The following RALGPS1 variants were observed in gnomAD, a reference collection of about 807,000 sequenced individuals.
RALGPS1 encodes the protein ras-specific guanine nucleotide-releasing factor RalGPS1.
Under a neutral mutation model 78.8 loss-of-function variants are expected in RALGPS1, and 19 were observed. The ratio of observed to expected loss-of-function variants is 0.24; its 90% CI spans 0.17 to 0.35. The LOEUF (loss-of-function observed/expected upper bound fraction) is 0.35, where lower values mean the gene tolerates loss of function less well. Among genes scored for constraint, RALGPS1 ranks in the 10% least tolerant of loss-of-function variants. The pLI is 1.00. For missense variants in RALGPS1, 454 were observed against 688.3 expected (o/e 0.66, Z 3.81); for synonymous variants, 228 against 256.3 (o/e 0.89, Z 1.06).
At chr9:127,136,017 C>T (rs541610239) in intron 8 of RALGPS1, among the ~76,000 whole-genome samples, 23 of 152,286 alleles carry the variant, frequency 1.5e-4, no homozygotes, top group African/African-American at 4.3e-4. Context: ...ATAGCATAGT[C>T]GGGGAGTGGG....
intron 1 of RALGPS1, 70 bp downstream of exon 1, chr9:126,915,045 C>A (rs1329610482): frequency 7.2e-6 from 1 of 137,998 alleles, no homozygotes; most frequent in Non-Finnish European, 1.6e-5. Flanking sequence ...CGGGGCGGGG[C>A]GGGGCGGGCC....
intron 1 of RALGPS1, among the ~76,000 whole-genome samples, chr9:126,934,938 A>G (rs1479300834): frequency 6.6e-6 from 1 of 152,138 alleles, no homozygotes; most frequent in African/African-American, 2.4e-5. Context: ...ATGTTTGGCC[A>G]TGGGAGAATG....
chr9:127,061,328 C>T (rs1295785010), intron 7 of RALGPS1, among the ~76,000 whole-genome samples: 1 of 152,232 alleles, frequency 6.6e-6, no homozygotes, highest in African/African-American at 2.4e-5. Flanking sequence ...TCTGTTAAAA[C>T]ATGGCCATAA....
At chr9:127,069,462 G>A (rs183680742) in intron 8 of RALGPS1, 106 bp downstream of exon 8, 301 of 1,335,254 alleles carry the variant, frequency 2.3e-4, no homozygotes, top group Non-Finnish European at 2.8e-4. Context: ...GACATGGCCC[G>A]TAGATAAAGA....
intron 2 of RALGPS1, among the ~76,000 whole-genome samples, chr9:126,962,548 C>G (rs1472725718): frequency 6.6e-6 from 1 of 152,220 alleles, no homozygotes; most frequent in African/African-American, 2.4e-5. Context: ...TGAAGTTGTT[C>G]TCTTCAAAGA....
chr9:127,141,859 A>G (rs575391504), intron 8 of RALGPS1, among the ~76,000 whole-genome samples: 6 of 152,250 alleles, frequency 3.9e-5, no homozygotes, highest in Non-Finnish European at 8.8e-5. Flanking sequence ...TGCATGTTTT[A>G]CTTTATATGT....
chr9:126,918,406 G>A (rs186457184), intron 1 of RALGPS1, among the ~76,000 whole-genome samples: 51 of 152,214 alleles, frequency 3.4e-4, no homozygotes, highest in African/African-American at 1.1e-3. Context: ...GCACAGTCAC[G>A]GCTCACTGCA....
intron 1 of RALGPS1, chr9:126,915,574 C>G (rs1266728155): frequency 6.6e-6 from 1 of 152,412 alleles, no homozygotes; most frequent in East Asian, 1.9e-4. Context: ...TTTGGGCTCC[C>G]TGAGGATTCT....
At chr9:126,962,068 A>G (rs906579254) in intron 1 of RALGPS1, among the ~76,000 whole-genome samples, 157 bp from the exon 2 acceptor site, 22 of 152,212 alleles carry the variant, frequency 1.4e-4, no homozygotes, top group African/African-American at 3.9e-4. Flanking sequence ...ATCAAACTGT[A>G]TCTGTGGGCC....
chr9:126,982,623 G>A (rs535674890), intron 4 of RALGPS1, among the ~76,000 whole-genome samples: 1 of 152,178 alleles, frequency 6.6e-6, no homozygotes, highest in African/African-American at 2.4e-5. Context: ...GGCTGTGACT[G>A]TGGTTGTCAC....
intron 17 of RALGPS1, 108 bp from the exon 18 acceptor site, chr9:127,214,643 C>T: frequency 1.3e-6 from 2 of 1,483,482 alleles, no homozygotes; most frequent in Non-Finnish European, 8.9e-7. Context: ...TCACCTGGGG[C>T]CGACCTTCCC....
At chr9:126,968,839 G>A (rs542800208) in intron 3 of RALGPS1, among the ~76,000 whole-genome samples, 108 of 152,252 alleles carry the variant, frequency 7.1e-4, no homozygotes, top group African/African-American at 2.4e-3. Flanking sequence ...ACCTGAGGTC[G>A]GGAGTTCGAG....
intron 1 of RALGPS1, among the ~76,000 whole-genome samples, chr9:126,936,582 CT>C (rs1364674579): frequency 1.5e-4 from 23 of 151,914 alleles, no homozygotes; most frequent in Admixed American, 1.5e-3. Context: ...TGGGCTTCCC[CT>C]GTGCAACTCT....
chr9:127,007,215 T>A (rs2133799767), intron 4 of RALGPS1, among the ~76,000 whole-genome samples: 1 of 152,366 alleles, frequency 6.6e-6, no homozygotes, highest in African/African-American at 2.4e-5. Flanking sequence ...AAAGTTGCTG[T>A]ACTTAAAGAG....
intron 1 of RALGPS1, among the ~76,000 whole-genome samples, chr9:126,933,215 G>A (rs571321976): frequency 1.3e-5 from 2 of 152,242 alleles, no homozygotes; most frequent in Non-Finnish European, 2.9e-5. Flanking sequence ...AAAGAGGGAC[G>A]GGGCATCATC....
rs550228324 is a variant in RALGPS1, at chr9:127,090,285, G to A, written c.610+20929G>A. On this transcript the variant is annotated intron_variant, in intron 8 of 18. Transcript: ENST00000259351. ...GTTTGGATCATAGAATACACTTTCCGCTCCCTAAGGAGGTGGCCCTCCAGA... is the reference window on the plus strand; with the variant it reads ...GTTTGGATCATAGAATACACTTTCCACTCCCTAAGGAGGTGGCCCTCCAGA... Among the ~76,000 whole-genome samples, 10 of 152,352 alleles carry A rather than the reference G, an allele frequency of 6.6e-5. No individual in the cohort carries two copies. The East Asian group carries it at 1.5e-3, about 23-fold the overall frequency.
chr9:127,136,295 G>A (rs893434350), intron 8 of RALGPS1, among the ~76,000 whole-genome samples: 4 of 152,228 alleles, frequency 2.6e-5, no homozygotes, highest in Non-Finnish European at 5.9e-5. Flanking sequence ...AGACCTGCCG[G>A]CACTGCCAGC....
intron 3 of RALGPS1, among the ~76,000 whole-genome samples, chr9:126,968,211 C>T (rs1392789249): frequency 6.6e-6 from 1 of 152,054 alleles, no homozygotes; most frequent in African/African-American, 2.4e-5. Flanking sequence ...CCATGTTGGC[C>T]AGGATGGTCT....
At chr9:126,935,196 C>G (rs2036147387) in intron 1 of RALGPS1, among the ~76,000 whole-genome samples, 1 of 152,232 alleles carries the variant, frequency 6.6e-6, no homozygotes, top group African/African-American at 2.4e-5. Flanking sequence ...TTGATCTACT[C>G]TGTACCTCCT....
Sources: allele counts gnomAD v4.1 joint callset (sites outside exome capture counted in the v4.1 genomes callset), GRCh38; gene constraint gnomAD v4.1.1; transcripts MANE v1.5; gene names NCBI Gene and HGNC (gene_info 2026-07-23, HGNC 2026-07-21).